The following SPOCK3 variants were observed in gnomAD, a reference collection of about 807,000 sequenced individuals.
SPOCK3 encodes the protein SPARC (osteonectin), cwcv and kazal like domains proteoglycan 3.
SPOCK3 carries 30 observed loss-of-function variants against 56.6 expected under a neutral mutation model. That is an observed-to-expected ratio of 0.53 (90% CI 0.40 to 0.72). The LOEUF is 0.72. SPOCK3 is among the 30% of genes least tolerant of loss of function. The probability of loss-of-function intolerance (pLI) is 0.00; values close to 1 mark genes in which losing one functional copy is unlikely to be tolerated. For missense variants in SPOCK3, 527 were observed against 530.0 expected, an observed-to-expected ratio of 0.99 and a Z score of 0.06; for synonymous variants, 196 against 183.3, an observed-to-expected ratio of 1.07 and a Z score of -0.56.
intron 2 of SPOCK3, among the ~76,000 whole-genome samples, chr4:167,179,987 A>G (rs1731307541): frequency 6.6e-6 from 1 of 152,128 alleles, no homozygotes; most frequent in Admixed American, 6.6e-5. Flanking sequence ...TGCCCCAAAG[A>G]AGTTATACTG....
intron 2 of SPOCK3, among the ~76,000 whole-genome samples, chr4:167,082,899 G>A (rs1455085496): frequency 2.0e-5 from 3 of 151,438 alleles, no homozygotes; most frequent in African/African-American, 7.3e-5. Flanking sequence ...GAGAGAGAGA[G>A]AAAGAGAGAG....
At chr4:166,949,234 A>G (rs1204428478) in intron 4 of SPOCK3, among the ~76,000 whole-genome samples, 1 of 152,056 alleles carries the variant, frequency 6.6e-6, no homozygotes, top group Non-Finnish European at 1.5e-5. Flanking sequence ...TATTCTAGTT[A>G]TACATTCGTC....
rs923560090 is a variant in SPOCK3, at chr4:166,811,201, C to A, written c.590-18912G>T. On this transcript the variant is annotated intron_variant, in intron 6 of 10. Coordinates refer to ENST00000357545, the MANE Select transcript of SPOCK3 (RefSeq NM_001040159.2). ...TCCTCTGAATTGTATTTTTATTTTA[C>A]ATTTTTATTCATTTGTCCTTTTGTC... is the stretch of plus-strand genomic sequence containing the variant. Among the ~76,000 whole-genome samples, 8 of 151,496 alleles carry A rather than the reference C, an allele frequency of 5.3e-5. 1 individual carries two copies. Among genetic ancestry groups the A allele is most frequent in the African/African-American group, 1.9e-4 (8 of 41,350 alleles).
At chr4:167,108,272 G>A (rs553665330) in intron 2 of SPOCK3, among the ~76,000 whole-genome samples, 52 of 151,888 alleles carry the variant, frequency 3.4e-4, no homozygotes, top group African/African-American at 1.2e-3. Flanking sequence ...TAAAAATTGA[G>A]CTACCATTTG....
At chr4:167,203,379 C>T (rs1733707291) in intron 2 of SPOCK3, among the ~76,000 whole-genome samples, 1 of 151,760 alleles carries the variant, frequency 6.6e-6, no homozygotes, top group Non-Finnish European at 1.5e-5. Flanking sequence ...GTGGTAGAGA[C>T]TTTTGGATGC....
chr4:166,834,662 G>A (rs1746422598), intron 6 of SPOCK3, among the ~76,000 whole-genome samples: 1 of 152,086 alleles, frequency 6.6e-6, no homozygotes, highest in Non-Finnish European at 1.5e-5. Flanking sequence ...TTGGAAATTA[G>A]ATGAGAAAAA....
At chr4:167,197,446 T>C (rs546562581) in intron 2 of SPOCK3, among the ~76,000 whole-genome samples, 1 of 152,282 alleles carries the variant, frequency 6.6e-6, no homozygotes, top group South Asian at 2.1e-4. Flanking sequence ...CTATTACTTA[T>C]AAGGTAGATG....
At chr4:167,153,499 C>T (rs1447598514) in intron 2 of SPOCK3, among the ~76,000 whole-genome samples, 2 of 152,142 alleles carry the variant, frequency 1.3e-5, no homozygotes, top group Non-Finnish European at 2.9e-5. Flanking sequence ...AAAACTTCAG[C>T]TCCTCAGAAA....
chr4:167,022,882 G>A (rs1751330297), intron 3 of SPOCK3, among the ~76,000 whole-genome samples: 1 of 151,940 alleles, frequency 6.6e-6, no homozygotes, highest in Non-Finnish European at 1.5e-5. Flanking sequence ...GATCCTCCAG[G>A]AATACACTCA....
intron 3 of SPOCK3, among the ~76,000 whole-genome samples, chr4:167,050,930 T>C (rs1754141594): frequency 6.6e-6 from 1 of 152,094 alleles, no homozygotes; most frequent in Non-Finnish European, 1.5e-5. Flanking sequence ...AATGCATGTA[T>C]AGCTTCAGTT....
At chr4:166,905,982 A>G (rs2127073531) in intron 5 of SPOCK3, among the ~76,000 whole-genome samples, 1 of 152,140 alleles carries the variant, frequency 6.6e-6, no homozygotes, top group East Asian at 1.9e-4. Flanking sequence ...GAGATATACC[A>G]AGTGTGTGGA....
intron 6 of SPOCK3, among the ~76,000 whole-genome samples, chr4:166,873,221 A>C (rs1043520507): frequency 6.6e-6 from 1 of 152,040 alleles, no homozygotes; most frequent in Non-Finnish European, 1.5e-5. Flanking sequence ...AAAAAAAAAA[A>C]ACATCAGTGG....
chr4:167,162,100 C>G (rs1234217223), intron 2 of SPOCK3, among the ~76,000 whole-genome samples: 3 of 151,958 alleles, frequency 2.0e-5, no homozygotes, highest in Admixed American at 2.0e-4. Context: ...TAAACCACTC[C>G]CCACCTATTT....
At chr4:166,981,946 G>A (rs1263943295) in intron 4 of SPOCK3, among the ~76,000 whole-genome samples, 2 of 152,230 alleles carry the variant, frequency 1.3e-5, no homozygotes, top group East Asian at 1.9e-4. Context: ...CCACCACAGA[G>A]CAGATGCCAG....
At chr4:166,923,286 T>C (rs1738710314) in intron 4 of SPOCK3, among the ~76,000 whole-genome samples, 1 of 152,242 alleles carries the variant, frequency 6.6e-6, no homozygotes, top group African/African-American at 2.4e-5. Flanking sequence ...TAATCTAGGA[T>C]AAATTCTTCC....
chr4:166,789,280 T>C (rs1186090010), intron 7 of SPOCK3, among the ~76,000 whole-genome samples: 1 of 151,520 alleles, frequency 6.6e-6, no homozygotes, highest in Non-Finnish European at 1.5e-5. Flanking sequence ...AAATACAAAA[T>C]AACCCGGGCG....
chr4:167,224,021 A>G (rs1736341561), intron 2 of SPOCK3, among the ~76,000 whole-genome samples: 1 of 152,162 alleles, frequency 6.6e-6, no homozygotes, highest in African/African-American at 2.4e-5. Context: ...TATATAAAAT[A>G]CAGACTATTT....
chr4:166,905,560 A>T (rs186893062), intron 5 of SPOCK3, among the ~76,000 whole-genome samples: 6 of 152,126 alleles, frequency 3.9e-5, no homozygotes, highest in African/African-American at 1.4e-4. Context: ...CTTCATACCT[A>T]ATGTTGAAAA....
chr4:167,062,600 A>T, intron 2 of SPOCK3, 63 bp from the exon 3 acceptor site: 2 of 1,296,342 alleles, frequency 1.5e-6, no homozygotes, highest in Non-Finnish European at 2.2e-6. Context: ...GGTTCATATA[A>T]AATCTAAAAT....
Sources: gnomAD v4.1 joint callset for allele counts (sites outside exome capture counted in the v4.1 genomes callset) on GRCh38, gnomAD v4.1.1 for gene constraint, MANE v1.5 for transcripts, NCBI Gene and HGNC (gene_info 2026-07-23, HGNC 2026-07-21) for gene names.